TMEM178B: variants seen among roughly 807,000 people sequenced by gnomAD.
TMEM178B encodes the protein transmembrane protein 178B.
A neutral mutation model predicts 31.0 loss-of-function variants in TMEM178B; 5 were observed. That is an observed-to-expected ratio of 0.16 (90% CI 0.08 to 0.34). The LOEUF (loss-of-function observed/expected upper bound fraction) is 0.34. Among genes scored for constraint, TMEM178B ranks in the 10% least tolerant of loss-of-function variants. TMEM178B has a pLI of 1.00. For missense variants in TMEM178B, 275 were observed against 400.3 expected (o/e 0.69, Z 2.67); for synonymous variants, 164 against 164.0 (o/e 1.00, Z 0.00).
intron 3 of TMEM178B, among the ~76,000 whole-genome samples, chr7:141,454,871 C>T (rs985912416): frequency 2.0e-5 from 3 of 151,990 alleles, no homozygotes; most frequent in African/African-American, 4.8e-5. Flanking sequence ...CAGAAGGGTG[C>T]GGAAGATGAG....
intron 2 of TMEM178B, among the ~76,000 whole-genome samples, chr7:141,331,830 C>T (rs1488960244): frequency 2.6e-5 from 4 of 152,192 alleles, no homozygotes; most frequent in Non-Finnish European, 4.4e-5. Context: ...TTGCATGGCT[C>T]CAGGGCCAGG....
At chr7:141,394,128 C>T (rs1417017852) in intron 2 of TMEM178B, among the ~76,000 whole-genome samples, 2 of 152,010 alleles carry the variant, frequency 1.3e-5, no homozygotes, top group Non-Finnish European at 2.9e-5. Flanking sequence ...AGAATGATTC[C>T]ACAGAGTTTG....
chr7:141,084,089 G>A (rs1794737948), intron 1 of TMEM178B, among the ~76,000 whole-genome samples: 1 of 152,188 alleles, frequency 6.6e-6, no homozygotes, highest in South Asian at 2.1e-4. Context: ...ACAGGTATAA[G>A]CCACCACGCC....
the TMEM178B span, among the ~76,000 whole-genome samples, chr7:141,510,684 T>C: frequency 2.9e-4 from 1 of 3,488 alleles, no homozygotes; most frequent in Non-Finnish European, 1.6e-3. Context: ...AAACTCCGTC[T>C]CAAAAAAAAA....
rs180854430 is a variant in TMEM178B at position 141,397,188 on chromosome 7, T to G, written c.497-40420T>G. 9.5e-4 allele frequency among the ~76,000 whole-genome samples: 145 copies of G among 152,326 alleles called. No individual in the cohort carries two copies. In the East Asian group the frequency reaches 0.025, roughly 26 times the overall value. On this transcript the variant is annotated intron_variant, in intron 2 of 3. Transcript: ENST00000565468. ...AATTTTCTGCCCAAAATCATAGTGA[T>G]TAACTGTTTCATCCAGCTTCTTTCC...
chr7:141,174,701 T>C (rs1796399906), intron 1 of TMEM178B, among the ~76,000 whole-genome samples: 2 of 152,378 alleles, frequency 1.3e-5, no homozygotes, highest in South Asian at 4.1e-4. Flanking sequence ...TTTGCATTTC[T>C]CTGATGACCA....
At chr7:141,396,085 G>T (rs577540166) in intron 2 of TMEM178B, among the ~76,000 whole-genome samples, 2 of 152,210 alleles carry the variant, frequency 1.3e-5, no homozygotes, top group African/African-American at 4.8e-5. Flanking sequence ...TGATGCAAGG[G>T]GCTTGGGGGT....
chr7:141,490,813 G>A, the TMEM178B span, among the ~76,000 whole-genome samples: 1 of 152,118 alleles, frequency 6.6e-6, no homozygotes, highest in Non-Finnish European at 1.5e-5. Context: ...TAGGTCCTAG[G>A]CCTCATGCCA....
intron 1 of TMEM178B, among the ~76,000 whole-genome samples, chr7:141,190,490 A>G (rs1252393223): frequency 1.3e-5 from 2 of 148,198 alleles, no homozygotes; most frequent in African/African-American, 2.5e-5. Context: ...TTTTTTTTTT[A>G]TATAGAGATG....
intron 1 of TMEM178B, among the ~76,000 whole-genome samples, chr7:141,149,046 T>A (rs143751929): frequency 3.3e-4 from 51 of 152,242 alleles, no homozygotes; most frequent in African/African-American, 1.2e-3. Context: ...GCTGTGAGGA[T>A]CATGGCTTTG....
chr7:141,262,585 G>T (rs1421866218), intron 2 of TMEM178B, among the ~76,000 whole-genome samples: 1 of 150,604 alleles, frequency 6.6e-6, no homozygotes, highest in Admixed American at 6.6e-5. Context: ...AAACTTGACA[G>T]CATTTCTATG....
intron 2 of TMEM178B, among the ~76,000 whole-genome samples, chr7:141,407,295 C>T (rs1035330269): frequency 6.6e-6 from 1 of 152,328 alleles, no homozygotes; most frequent in East Asian, 1.9e-4. Context: ...TTGATGTCTG[C>T]AGCAACCAAA....
chr7:141,286,599 G>A (rs906368404), intron 2 of TMEM178B, among the ~76,000 whole-genome samples: 2 of 152,114 alleles, frequency 1.3e-5, no homozygotes, highest in Admixed American at 1.3e-4. Context: ...CTGTCCATGC[G>A]AGCCTGTCCA....
At chr7:141,387,633 C>T (rs749130100) in intron 2 of TMEM178B, among the ~76,000 whole-genome samples, 8 of 152,172 alleles carry the variant, frequency 5.3e-5, no homozygotes, top group African/African-American at 9.7e-5. Context: ...TTAGCAGACT[C>T]CTTTTAATAA....
At chr7:141,459,361 C>T (rs1021503292) in intron 3 of TMEM178B, among the ~76,000 whole-genome samples, 18 of 152,138 alleles carry the variant, frequency 1.2e-4, no homozygotes, top group African/African-American at 3.6e-4. Context: ...GCTGCACAGC[C>T]TAGAAATCCC....
intron 1 of TMEM178B, among the ~76,000 whole-genome samples, chr7:141,112,797 T>C (rs751647690): frequency 1.4e-4 from 22 of 152,290 alleles, no homozygotes; most frequent in Non-Finnish European, 2.4e-4. Flanking sequence ...CTCAAAACCA[T>C]GCATTTTGTT....
the TMEM178B span, among the ~76,000 whole-genome samples, chr7:141,491,407 A>G: frequency 1.3e-5 from 2 of 152,214 alleles, no homozygotes; most frequent in Non-Finnish European, 2.9e-5. Context: ...ATCCTTAAAC[A>G]TCTTTAAATT....
chr7:141,479,550 T>C lies in TMEM178B; in HGVS notation c.*8764T>C, dbSNP rs1177015671. 6.6e-6 allele frequency: 1 copy of C among 152,196 alleles called. No homozygotes were observed. Among genetic ancestry groups the C allele is most frequent in the Non-Finnish European group, 1.5e-5 (1 of 68,014 alleles). 9.4% of individuals were successfully genotyped at this position (152,196 alleles called of 1,614,324 possible). A position where few individuals can be genotyped will look rare whatever the true frequency, so the allele number is the denominator to read the frequency against. On this transcript the variant is annotated 3_prime_UTR_variant, in exon 4 of 4. Coordinates refer to ENST00000565468, the MANE Select transcript of TMEM178B (RefSeq NM_001195278.2). ...CGAGATCTTAATGGAGAGAACAGAA[T>C]AAAATGCAAGGAGCCAACCCCTGGG...
chr7:141,500,488 C>G, the TMEM178B span, among the ~76,000 whole-genome samples: 7 of 152,136 alleles, frequency 4.6e-5, no homozygotes, highest in East Asian at 1.3e-3. Flanking sequence ...GGCTTCTTCT[C>G]AAAGATCCCT....
Sources: gnomAD v4.1 joint callset for allele counts (sites outside exome capture counted in the v4.1 genomes callset) on GRCh38, gnomAD v4.1.1 for gene constraint, MANE v1.5 for transcripts, NCBI Gene and HGNC (gene_info 2026-07-23, HGNC 2026-07-21) for gene names.